The following MMP26 variants were observed in gnomAD, a reference collection of about 807,000 sequenced individuals.
MMP26 encodes the protein matrix metallopeptidase 26.
MMP26 carries 33 observed loss-of-function variants against 31.0 expected under a neutral mutation model. The observed-to-expected ratio is 1.06, with a 90% confidence interval of 0.81 to 1.42. The LOEUF (loss-of-function observed/expected upper bound fraction) is 1.42, where lower values mean the gene tolerates loss of function less well. Ranked by LOEUF, MMP26 falls within the 40% of genes most tolerant of loss-of-function variation. The pLI, the probability that MMP26 is intolerant of heterozygous loss-of-function variation, is 0.00. For missense variants in MMP26, 347 were observed against 316.1 expected (o/e 1.10, Z -0.74); for synonymous variants, 122 against 114.9 (o/e 1.06, Z -0.40).
chr11:4,896,397 G>A (rs1850704417), intron 2 of MMP26, among the ~76,000 whole-genome samples: 1 of 152,112 alleles, frequency 6.6e-6, no homozygotes, highest in African/African-American at 2.4e-5. Flanking sequence ...GCCACCCTCT[G>A]TAAACAAATG....
intron 2 of MMP26, among the ~76,000 whole-genome samples, chr11:4,843,416 G>T (rs571583034): frequency 6.6e-6 from 1 of 152,282 alleles, no homozygotes; most frequent in South Asian, 2.1e-4. Context: ...CTAAACTCTT[G>T]CCTTCTGTAC....
intron 2 of MMP26, among the ~76,000 whole-genome samples, chr11:4,865,469 T>A (rs1850221120): frequency 6.6e-6 from 1 of 152,058 alleles, no homozygotes; most frequent in African/African-American, 2.4e-5. Flanking sequence ...ATTTAAAAAA[T>A]TAACACTGTG....
rs184605658 is a variant in MMP26 at position 4,858,087 on chromosome 11, G to C, written c.-145+90746G>C. Reference sequence around the variant, plus strand: ...GATGGGACGTATCTCAAAATAATAAGAGCTATTTATGACAGACCCAGAGTC... The same window carrying C: ...GATGGGACGTATCTCAAAATAATAACAGCTATTTATGACAGACCCAGAGTC... On this transcript the variant is annotated intron_variant, in intron 2 of 7. Transcript: ENST00000380390. Among the ~76,000 whole-genome samples the C allele has an allele frequency of 2.2e-4, 34 of 152,138 alleles. 1 individual carries two copies. Among genetic ancestry groups the C allele is most frequent in the African/African-American group, 8.2e-4 (34 of 41,462 alleles).
intron 1 of MMP26, chr11:4,752,456 G>C (rs1032899988): frequency 1.3e-5 from 2 of 152,628 alleles, no homozygotes; most frequent in Admixed American, 6.5e-5. Context: ...AGGAGTGGCA[G>C]AGCACGTGGC....
chr11:4,983,694 T>A (rs936522889), intron 2 of MMP26, among the ~76,000 whole-genome samples: 1 of 152,170 alleles, frequency 6.6e-6, no homozygotes, highest in Non-Finnish European at 1.5e-5. Context: ...AAATAATATA[T>A]AAAATCTGGT....
chr11:4,838,790 C>A (rs1564791479), intron 2 of MMP26, among the ~76,000 whole-genome samples: 1 of 151,862 alleles, frequency 6.6e-6, no homozygotes, highest in Non-Finnish European at 1.5e-5. Context: ...TGTCCCCCCA[C>A]CACAAGGACA....
chr11:4,917,740 T>G (rs748925003), intron 2 of MMP26, among the ~76,000 whole-genome samples: 47 of 152,148 alleles, frequency 3.1e-4, no homozygotes, highest in Admixed American at 3.9e-4. Flanking sequence ...CAATATACTT[T>G]TTATGTGTTC....
intron 2 of MMP26, among the ~76,000 whole-genome samples, chr11:4,891,058 G>A (rs1361579142): frequency 1.3e-5 from 2 of 150,784 alleles, no homozygotes; most frequent in South Asian, 2.1e-4. Context: ...CCAGGAAGTG[G>A]ATACTAGTTT....
intron 2 of MMP26, among the ~76,000 whole-genome samples, chr11:4,977,325 A>G (rs903861585): frequency 7.2e-5 from 11 of 152,114 alleles, no homozygotes; most frequent in Admixed American, 5.9e-4. Flanking sequence ...TAGAAAAGCT[A>G]TATTTAATCT....
intron 1 of MMP26, among the ~76,000 whole-genome samples, chr11:4,731,398 C>T (rs891845345): frequency 6.6e-6 from 1 of 152,104 alleles, no homozygotes; most frequent in African/African-American, 2.4e-5. Context: ...TTCTTTTCTC[C>T]CATTAAATGT....
intron 2 of MMP26, among the ~76,000 whole-genome samples, chr11:4,928,446 G>A (rs930043065): frequency 3.3e-5 from 5 of 152,040 alleles, no homozygotes; most frequent in African/African-American, 9.7e-5. Context: ...AACTACCAAC[G>A]TCTGTATCAG....
chr11:4,913,009 G>A (rs562149146), intron 2 of MMP26: 29 of 152,164 alleles, frequency 1.9e-4, no homozygotes, highest in African/African-American at 7.0e-4. Flanking sequence ...GCCTTAGTGT[G>A]GAAAATGTTG....
At chr11:4,710,242 G>T in intron 1 of MMP26, 1 of 456,704 alleles carries the variant, frequency 2.2e-6, no homozygotes, top group South Asian at 1.5e-5. Flanking sequence ...CTGATCGTCC[G>T]CTCTGTGCTC....
intron 2 of MMP26, chr11:4,913,076 G>T (rs1286368475): frequency 6.6e-6 from 1 of 152,144 alleles, no homozygotes; most frequent in African/African-American, 2.4e-5. Flanking sequence ...TAACTTTTCA[G>T]CTTCAGAGCA....
At chr11:4,874,565 G>GT (rs1554888275) in intron 2 of MMP26, among the ~76,000 whole-genome samples, 337 of 149,148 alleles carry the variant, frequency 2.3e-3, no homozygotes, top group African/African-American at 7.9e-3. Flanking sequence ...GTGGTGTGTT[G>GT]GTGTGTGTGT....
At chr11:4,947,267 GTTGGTT>G in intron 2 of MMP26, 1 of 79,926 alleles carries the variant, frequency 1.3e-5, no homozygotes, top group South Asian at 2.1e-4. Flanking sequence ...AAGAGAGATG[GTTGGTT>G]GCTGCTTTGG....
chr11:4,931,711 G>C (rs11034705), intron 2 of MMP26, among the ~76,000 whole-genome samples: 20,498 of 151,912 alleles, frequency 0.13, 1,612 homozygotes, highest in South Asian at 0.37. Flanking sequence ...GGTGCAGCAA[G>C]GTCTCAAAAA....
chr11:4,953,686 G>C (rs542306901), intron 2 of MMP26, among the ~76,000 whole-genome samples: 1 of 125,798 alleles, frequency 7.9e-6, no homozygotes, highest in African/African-American at 2.7e-5. Flanking sequence ...GGTCAATGTG[G>C]CTGGAGATTA....
chr11:4,944,843 TA>T (rs1210708218), intron 2 of MMP26: 1 of 152,102 alleles, frequency 6.6e-6, no homozygotes, highest in Non-Finnish European at 1.5e-5. Flanking sequence ...ATAGACAATT[TA>T]AAAAACTTGT....
Sources: gnomAD v4.1 joint callset for allele counts (sites outside exome capture counted in the v4.1 genomes callset) on GRCh38, gnomAD v4.1.1 for gene constraint, MANE v1.5 for transcripts, NCBI Gene and HGNC (gene_info 2026-07-23, HGNC 2026-07-21) for gene names.